XYLT1: variants seen among roughly 807,000 people sequenced by gnomAD.
The protein encoded by XYLT1 is beta-D-xylosyltransferase 1.
XYLT1 carries 36 observed loss-of-function variants against 91.3 expected under a neutral mutation model. That is an observed-to-expected ratio of 0.39 (90% CI 0.30 to 0.52). XYLT1 has a LOEUF of 0.52. XYLT1 is among the 20% of genes least tolerant of loss of function. The pLI is 0.68. For synonymous variants in XYLT1, 588 were observed against 532.0 expected (o/e 1.11, Z -1.45); for missense variants, 1,242 against 1,284.5 (o/e 0.97, Z 0.51).
intron 2 of XYLT1, among the ~76,000 whole-genome samples, chr16:17,357,636 A>T (rs2035320396): frequency 6.6e-6 from 1 of 152,240 alleles, no homozygotes; most frequent in Non-Finnish European, 1.5e-5. Context: ...CTCCAAGTTC[A>T]GGCATCAAAG....
At chr16:17,435,655 G>A (rs983496810) in intron 1 of XYLT1, among the ~76,000 whole-genome samples, 2 of 152,006 alleles carry the variant, frequency 1.3e-5, no homozygotes, top group Non-Finnish European at 2.9e-5. Flanking sequence ...TGATTCAACC[G>A]ACATCTACAA....
chr16:17,232,429 G>GTA (rs144659961), intron 3 of XYLT1, among the ~76,000 whole-genome samples: 1,323 of 121,674 alleles, frequency 0.011, 11 homozygotes, highest in African/African-American at 0.018. Context: ...GTGTGTGTGT[G>GTA]TATATATATA....
At chr16:17,427,624 C>T (rs1360090038) in intron 1 of XYLT1, among the ~76,000 whole-genome samples, 1 of 152,176 alleles carries the variant, frequency 6.6e-6, no homozygotes, top group African/African-American at 2.4e-5. Context: ...ACATCCCCAA[C>T]ACAAGGTTGC....
At chr16:17,340,246 C>A (rs968738467) in intron 2 of XYLT1, among the ~76,000 whole-genome samples, 11 of 152,200 alleles carry the variant, frequency 7.2e-5, no homozygotes, top group Non-Finnish European at 1.6e-4. Flanking sequence ...TTCTGCAGCT[C>A]AACTGGAGAC....
chr16:17,144,475 A>G (rs948128530), intron 6 of XYLT1, among the ~76,000 whole-genome samples: 1 of 152,204 alleles, frequency 6.6e-6, no homozygotes, highest in African/African-American at 2.4e-5. Flanking sequence ...AAAAGCCAGC[A>G]TGCTGTGGAC....
At chr16:17,419,256 C>T (rs573069459) in intron 1 of XYLT1, among the ~76,000 whole-genome samples, 3 of 151,820 alleles carry the variant, frequency 2.0e-5, no homozygotes, top group Non-Finnish European at 2.9e-5. Context: ...GTGGAAGGCT[C>T]GCTTGAGACC....
At chr16:17,392,078 C>A (rs1295693478) in intron 1 of XYLT1, among the ~76,000 whole-genome samples, 2 of 152,164 alleles carry the variant, frequency 1.3e-5, no homozygotes, top group South Asian at 2.1e-4. Flanking sequence ...AAATCATAAA[C>A]CAAAGAACAT....
chr16:17,258,843 C>A, intron 3 of XYLT1, 145 bp downstream of exon 3: 1 of 1,045,578 alleles, frequency 9.6e-7, no homozygotes, highest in Non-Finnish European at 1.3e-6. Flanking sequence ...AGTACTAGAA[C>A]ACATCAGATC....
intron 5 of XYLT1, among the ~76,000 whole-genome samples, chr16:17,162,466 C>T (rs1466170368): frequency 6.6e-6 from 1 of 151,014 alleles, no homozygotes; most frequent in Non-Finnish European, 1.5e-5. Context: ...GCAACCGAGA[C>T]TTAGATAAAT....
Position 17,197,014 on chromosome 16 carries a change from A to AATATATATATATATATATATATATATAT in XYLT1, c.1289+1197_1289+1198insATATATATATATATATATATATATATAT, listed in dbSNP as rs536988187. On this transcript the variant is annotated intron_variant, in intron 5 of 11. Transcript: ENST00000261381. Reference sequence around the variant, plus strand: ...TGACAGAGCGAGACTCTGTCTCCAAAATATATATATATATATAGATATATA... The same window carrying AATATATATATATATATATATATATATAT: ...TGACAGAGCGAGACTCTGTCTCCAAAATATATATATATATATATATATATATATATATATATATATATATAGATATATA... 1.4e-3 allele frequency among the ~76,000 whole-genome samples: 157 copies of AATATATATATATATATATATATATATAT among 110,306 alleles called. 3 individuals carry two copies. Among genetic ancestry groups the AATATATATATATATATATATATATATAT allele is most frequent in the African/African-American group, 2.3e-3 (51 of 22,240 alleles). The allele number at this position is 110,306 out of a possible 152,430, so 72.4% of individuals were successfully genotyped here. A position where few individuals can be genotyped will look rare whatever the true frequency, so the allele number is the denominator to read the frequency against.
intron 2 of XYLT1, among the ~76,000 whole-genome samples, chr16:17,286,941 C>T (rs1401618479): frequency 6.6e-6 from 1 of 152,104 alleles, no homozygotes; most frequent in Non-Finnish European, 1.5e-5. Context: ...GGAGGTCAAA[C>T]CCACCAAACA....
intron 6 of XYLT1, among the ~76,000 whole-genome samples, chr16:17,142,619 T>G (rs2031015019): frequency 6.6e-6 from 1 of 150,622 alleles, no homozygotes; most frequent in African/African-American, 2.4e-5. Context: ...TTTTTTGTAT[T>G]TTTAGTAGAG....
intron 2 of XYLT1, among the ~76,000 whole-genome samples, chr16:17,351,318 G>A (rs967017292): frequency 6.6e-6 from 1 of 152,052 alleles, no homozygotes; most frequent in Non-Finnish European, 1.5e-5. Flanking sequence ...TTCGAGAACA[G>A]CCTGGCCGAC....
intron 3 of XYLT1, 94 bp from the exon 4 acceptor site, chr16:17,200,748 A>G (rs1247122929): frequency 2.5e-5 from 34 of 1,381,218 alleles, no homozygotes; most frequent in Non-Finnish European, 3.1e-5. Context: ...TTTGGGGACT[A>G]TTTTAGGGGC....
chr16:17,407,996 C>G (rs2036055661), intron 1 of XYLT1, among the ~76,000 whole-genome samples: 1 of 152,222 alleles, frequency 6.6e-6, no homozygotes, highest in South Asian at 2.1e-4. Context: ...ATGCCAACTC[C>G]CCTTCACCTT....
At chr16:17,200,683 A>T in intron 3 of XYLT1, 29 bp from the exon 4 acceptor site, 1 of 1,600,238 alleles carries the variant, frequency 6.2e-7, no homozygotes, top group African/African-American at 1.3e-5. Context: ...AACAGAGAGG[A>T]GAAAGTGAGG....
chr16:17,230,622 C>T (rs1194190461), intron 3 of XYLT1, among the ~76,000 whole-genome samples: 1 of 152,172 alleles, frequency 6.6e-6, no homozygotes, highest in African/African-American at 2.4e-5. Flanking sequence ...GAGGCCGCCT[C>T]CTCTTTTTGG....
intron 10 of XYLT1, 30 bp downstream of exon 10, chr16:17,127,636 A>C: frequency 6.2e-7 from 1 of 1,600,894 alleles, no homozygotes; most frequent in Admixed American, 1.7e-5. Context: ...TGCAAAATAC[A>C]ATGAAATGTG....
intron 1 of XYLT1, among the ~76,000 whole-genome samples, chr16:17,413,658 G>C (rs922774777): frequency 2.0e-5 from 3 of 152,026 alleles, no homozygotes; most frequent in Non-Finnish European, 4.4e-5. Context: ...GGCCGGTCTT[G>C]AACTCCTGGG....
Sources: allele counts gnomAD v4.1 joint callset (sites outside exome capture counted in the v4.1 genomes callset), GRCh38; gene constraint gnomAD v4.1.1; transcripts MANE v1.5; gene names NCBI Gene and HGNC (gene_info 2026-07-23, HGNC 2026-07-21).